Variants in DIAPH2 observed in about 807,000 individuals in gnomAD.
DIAPH2 encodes the protein protein diaphanous homolog 2.
DIAPH2 carries 35 observed loss-of-function variants against 92.7 expected under a neutral mutation model. The ratio of observed to expected loss-of-function variants is 0.38; its 90% CI spans 0.29 to 0.50. DIAPH2 has a LOEUF of 0.50. Ranked by LOEUF, DIAPH2 falls within the 20% of genes least tolerant of loss-of-function variation. The pLI is 0.94. For synonymous variants in DIAPH2, 301 were observed against 280.4 expected, an observed-to-expected ratio of 1.07 and a Z score of -0.73; for missense variants, 701 against 819.5, an observed-to-expected ratio of 0.86 and a Z score of 1.77.
Position 97,305,683 on chromosome X carries a change from C to T in DIAPH2, c.2845-42433C>T, listed in dbSNP as rs890995678. 2.9e-4 allele frequency among the ~76,000 whole-genome samples: 31 copies of T among 108,162 alleles called. 1 individual carries two copies. Among genetic ancestry groups the T allele is most frequent in the African/African-American group, 9.8e-4 (29 of 29,569 alleles). 93.9% of individuals were successfully genotyped at this position (108,162 alleles called of 115,157 possible). The stretch of plus-strand genomic sequence containing the variant: ...TAAAAAAAGACAAAAATTAGCTGGA[C>T]GTGGTGGTGCGTGCCTGTAATCCCA... On this transcript the variant is annotated intron_variant, in intron 23 of 26. Transcript: ENST00000324765.
chrX:97,363,665 CAAAAAAAAAAAAAA>C (rs35245894), intron 24 of DIAPH2, among the ~76,000 whole-genome samples: 2 of 17,809 alleles, frequency 1.1e-4, no homozygotes, highest in South Asian at 7.2e-3. Context: ...GACTCTGCCT[CAAAAAAAAAAAAAA>C]AAAAAAAAAA....
rs1263403356 is a variant in DIAPH2, at chrX:97,429,562, G to A, written c.3146-88G>A. 11 of 1,109,216 alleles carry A rather than the reference G, an allele frequency of 9.9e-6. No individual in the cohort carries two copies. The African/African-American group carries it at 1.8e-4, about 19-fold the overall frequency. 91.4% of individuals were successfully genotyped at this position (1,109,216 alleles called of 1,213,427 possible). On this transcript the variant is annotated intron_variant, in intron 25 of 26. Coordinates refer to ENST00000324765, the MANE Select transcript of DIAPH2 (RefSeq NM_006729.5). ...TATGTCTTTAATTTAGGGGTATTATGTAAATCTGACAGGAGTTTTTCCCTT... is the reference window on the plus strand; with the variant it reads ...TATGTCTTTAATTTAGGGGTATTATATAAATCTGACAGGAGTTTTTCCCTT...
chrX:97,344,261 G>A (rs1183282587), intron 23 of DIAPH2, among the ~76,000 whole-genome samples: 1 of 110,939 alleles, frequency 9.0e-6, no homozygotes, highest in Non-Finnish European at 1.9e-5. Context: ...TTTCCCACAT[G>A]AAGCCAGGTG....
intron 22 of DIAPH2, among the ~76,000 whole-genome samples, chrX:97,219,187 A>C (rs1454074024): frequency 8.9e-6 from 1 of 112,621 alleles, no homozygotes; most frequent in African/African-American, 3.2e-5. Flanking sequence ...ATTCCTCTGA[A>C]AGCAAGTCAT....
intron 22 of DIAPH2, among the ~76,000 whole-genome samples, chrX:97,222,417 T>G (rs1253753596): frequency 8.9e-6 from 1 of 111,968 alleles, no homozygotes; most frequent in African/African-American, 3.2e-5. Context: ...GTGGCCAGGC[T>G]GGCCTCAAAT....
At chrX:96,938,193 G>A (rs1446827617) in intron 11 of DIAPH2, among the ~76,000 whole-genome samples, 2 of 110,988 alleles carry the variant, frequency 1.8e-5, no homozygotes, top group Non-Finnish European at 3.8e-5. Context: ...GAGATTGAGG[G>A]CAGAAATGTT....
At chrX:97,259,864 C>G (rs1360691310) in intron 23 of DIAPH2, among the ~76,000 whole-genome samples, 1 of 112,499 alleles carries the variant, frequency 8.9e-6, no homozygotes, top group Non-Finnish European at 1.9e-5. Flanking sequence ...GAGTCTCACT[C>G]TGTCGTCCAG....
chrX:96,962,430 CAT>C (rs200739976), intron 16 of DIAPH2, among the ~76,000 whole-genome samples: 692 of 43,717 alleles, frequency 0.016, 34 homozygotes, highest in Non-Finnish European at 0.02. Context: ...CATATATATA[CAT>C]ATATATATAC....
chrX:97,249,112 C>G (rs1441188391), intron 23 of DIAPH2, among the ~76,000 whole-genome samples: 1 of 109,169 alleles, frequency 9.2e-6, no homozygotes, highest in Non-Finnish European at 1.9e-5. Flanking sequence ...CTGGAAACAC[C>G]ACCTCCTTTT....
intron 23 of DIAPH2, among the ~76,000 whole-genome samples, chrX:97,269,270 C>G (rs1221094216): frequency 1.8e-5 from 2 of 111,375 alleles, no homozygotes; most frequent in Non-Finnish European, 3.8e-5. Context: ...ATAAAATTCC[C>G]AATGGGATAA....
intron 1 of DIAPH2, among the ~76,000 whole-genome samples, chrX:96,706,031 A>G (rs911225862): frequency 1.8e-5 from 2 of 112,551 alleles, no homozygotes; most frequent in Non-Finnish European, 3.7e-5. Context: ...TGTGGTTTTT[A>G]AAATTTGATT....
intron 17 of DIAPH2, among the ~76,000 whole-genome samples, chrX:97,066,942 G>T (rs1001626205): frequency 9.0e-6 from 1 of 111,654 alleles, no homozygotes; most frequent in African/African-American, 3.3e-5. Flanking sequence ...AATGTGCTCT[G>T]AACTTCAGAA....
At chrX:96,813,252 A>G (rs919191424) in intron 4 of DIAPH2, among the ~76,000 whole-genome samples, 32 of 110,547 alleles carry the variant, frequency 2.9e-4, no homozygotes, top group Non-Finnish European at 5.3e-4. Context: ...TTCTTGTTGA[A>G]TTGATCCCTT....
Position 97,348,105 on chromosome X carries a change from C to G in DIAPH2, c.2845-11C>G, listed in dbSNP as rs747402239. The G allele has an allele frequency of 1.2e-5, 14 of 1,207,530 alleles. No individual in the cohort carries two copies. The highest frequency in any genetic ancestry group is 1.1e-5 in the Non-Finnish European group (10 of 893,860). On this transcript the variant is annotated splice_polypyrimidine_tract_variant and intron_variant, in intron 23 of 26. Coordinates refer to ENST00000324765, the MANE Select transcript of DIAPH2 (RefSeq NM_006729.5). ...GGTACTGTTGAGCCATGTTCCTTAA[C>G]AAAAAGCTACAGCTTTACAAAGACT...
chrX:96,957,213 G>A (rs767161216), intron 15 of DIAPH2, among the ~76,000 whole-genome samples: 6 of 111,934 alleles, frequency 5.4e-5, no homozygotes, highest in Non-Finnish European at 9.4e-5. Flanking sequence ...TAGAGACAGG[G>A]TTTCGCCATG....
At chrX:97,360,834 C>T (rs2069318025) in intron 24 of DIAPH2, among the ~76,000 whole-genome samples, 1 of 111,123 alleles carries the variant, frequency 9.0e-6, no homozygotes, top group Non-Finnish European at 1.9e-5. Context: ...AGTATTTGCT[C>T]CTTTGTTTAA....
intron 23 of DIAPH2, among the ~76,000 whole-genome samples, chrX:97,328,654 G>A (rs1351778869): frequency 1.8e-5 from 2 of 110,839 alleles, no homozygotes; most frequent in Admixed American, 1.9e-4. Context: ...TTTGCCATAT[G>A]TTATTTTAGA....
chrX:97,072,913 G>T (rs757435303), intron 17 of DIAPH2, 28 bp from the exon 18 acceptor site: 4 of 1,054,577 alleles, frequency 3.8e-6, no homozygotes, highest in Non-Finnish European at 2.6e-6. Context: ...TACCCTTATT[G>T]TTTATGAATC....
chrX:97,603,654 A>G lies in DIAPH2; in HGVS notation c.*4337A>G, dbSNP rs1021240830. The G allele has an allele frequency of 9.8e-5, 11 of 112,354 alleles. No homozygotes were observed. The highest frequency in any genetic ancestry group is 2.9e-4 in the African/African-American group (9 of 30,933). The allele number at this position is 112,354 out of a possible 1,213,427, so 9.3% of individuals were successfully genotyped here. On this transcript the variant is annotated 3_prime_UTR_variant, in exon 27 of 27. Transcript: ENST00000324765. ...TAACACTAGACTTGAAAATTTCCTC[A>G]GCTAAACATCCAAGTTCATCATTTA...
Sources: allele counts gnomAD v4.1 joint callset (sites outside exome capture counted in the v4.1 genomes callset), GRCh38; gene constraint gnomAD v4.1.1; transcripts MANE v1.5; gene names NCBI Gene and HGNC (gene_info 2026-07-23, HGNC 2026-07-21).